CAB39: variants seen among roughly 807,000 people sequenced by gnomAD.
CAB39 encodes the protein calcium-binding protein 39.
A neutral mutation model predicts 40.0 loss-of-function variants in CAB39; 8 were observed. The observed-to-expected ratio is 0.20, with a 90% CI of 0.12 to 0.36. CAB39 has a LOEUF of 0.36. Ranked by LOEUF, CAB39 falls within the 10% of genes least tolerant of loss-of-function variation. The pLI is 1.00. For missense variants in CAB39, 270 were observed against 401.1 expected, an observed-to-expected ratio of 0.67 and a Z score of 2.79; for synonymous variants, 156 against 141.6, an observed-to-expected ratio of 1.10 and a Z score of -0.72.
chr2:230,717,127 G>T (rs1049500799), intron 1 of CAB39, among the ~76,000 whole-genome samples: 1 of 152,132 alleles, frequency 6.6e-6, no homozygotes, highest in African/African-American at 2.4e-5. Context: ...ACTGTGGAAG[G>T]TGGATTAATT....
chr2:230,735,518 T>C (rs763595442), intron 1 of CAB39, among the ~76,000 whole-genome samples: 9 of 149,870 alleles, frequency 6.0e-5, no homozygotes, highest in African/African-American at 9.9e-5. Context: ...AAAAAATAAT[T>C]TGGGGGGATG....
intron 1 of CAB39, among the ~76,000 whole-genome samples, chr2:230,746,960 A>G (rs1694987600): frequency 1.3e-5 from 2 of 152,250 alleles, no homozygotes. Context: ...ACATACATAC[A>G]TAATAACACA....
chr2:230,749,876 T>C (rs537446804), intron 1 of CAB39, among the ~76,000 whole-genome samples: 54 of 152,338 alleles, frequency 3.5e-4, no homozygotes, highest in Non-Finnish European at 6.5e-4. Flanking sequence ...ATATTGATTG[T>C]AGTATGAAAG....
intron 1 of CAB39, among the ~76,000 whole-genome samples, chr2:230,732,351 G>C (rs1488033899): frequency 1.3e-5 from 2 of 152,096 alleles, no homozygotes; most frequent in African/African-American, 4.8e-5. Flanking sequence ...CAAAGTGCTG[G>C]GATTACTGGC....
chr2:230,734,032 T>G (rs1289534432), intron 1 of CAB39, among the ~76,000 whole-genome samples: 1 of 152,220 alleles, frequency 6.6e-6, no homozygotes, highest in Non-Finnish European at 1.5e-5. Context: ...AATAAGACAT[T>G]GCCACTCGCA....
At chr2:230,787,133 A>G (rs1695807692) in intron 2 of CAB39, among the ~76,000 whole-genome samples, 2 of 152,236 alleles carry the variant, frequency 1.3e-5, no homozygotes, top group African/African-American at 2.4e-5. Flanking sequence ...TCTCATGGTC[A>G]GGAAATAGGG....
intron 5 of CAB39, among the ~76,000 whole-genome samples, chr2:230,802,898 A>C (rs1444750482): frequency 2.0e-5 from 3 of 152,194 alleles, no homozygotes; most frequent in African/African-American, 7.2e-5. Context: ...ATCTTCCCTA[A>C]CTCATTTTAT....
intron 1 of CAB39, among the ~76,000 whole-genome samples, chr2:230,724,480 G>A (rs184833289): frequency 0.017 from 2,560 of 152,060 alleles, 68 homozygotes; most frequent in African/African-American, 0.052. Flanking sequence ...TCAGGAGTTC[G>A]AGACCAGCCT....
chr2:230,816,586 A>G (rs2438298), intron 7 of CAB39, among the ~76,000 whole-genome samples: 29,305 of 152,220 alleles, frequency 0.19, 3,658 homozygotes, highest in East Asian at 0.38. Flanking sequence ...GGAAACTTCA[A>G]GTATCTAGAA....
intron 1 of CAB39, among the ~76,000 whole-genome samples, chr2:230,754,905 T>G (rs2124912084): frequency 6.6e-6 from 1 of 152,352 alleles, no homozygotes; most frequent in Non-Finnish European, 1.5e-5. Flanking sequence ...TCCTCAAAGC[T>G]TAGCTCCCAC....
At chr2:230,750,319 G>A (rs1015183568) in intron 1 of CAB39, among the ~76,000 whole-genome samples, 5 of 152,128 alleles carry the variant, frequency 3.3e-5, no homozygotes, top group Non-Finnish European at 5.9e-5. Flanking sequence ...TGCCAAAGCA[G>A]GCTTTTATAA....
chr2:230,772,197 T>C (rs1019268736), intron 2 of CAB39, among the ~76,000 whole-genome samples: 2 of 152,252 alleles, frequency 1.3e-5, no homozygotes, highest in Non-Finnish European at 2.9e-5. Context: ...CTAGAATATA[T>C]AAAGAATTCT....
rs1391406254 is a variant in CAB39 at position 230,790,929 on chromosome 2, A to G, written c.172A>G (p.Asn58Asp). 6.2e-7 allele frequency: 1 copy of G among 1,613,604 alleles called. No individual in the cohort carries two copies. Among genetic ancestry groups the G allele is most frequent in the Admixed American group, 1.7e-5 (1 of 59,938 alleles). ...CATGAAAGAAATTCTGTATGGCACA[A>G]ATGAAAAAGAGCCTCAGACAGAAGC... is the stretch of plus-strand genomic sequence containing the variant. The part of the protein sequence containing the change: ...VAMKEILYGT[N>D]EKEPQTEAVA... The change falls in exon 3 of 9, where the codon AAT becomes GAT. Residue 58 changes from asparagine (N) to aspartate (D), a missense_variant. By Grantham distance (23) the Asn-to-Asp change is conservative. Coordinates refer to ENST00000258418, the MANE Select transcript of CAB39 (RefSeq NM_016289.4).
chr2:230,729,537 A>C (rs1185659667), intron 1 of CAB39, among the ~76,000 whole-genome samples: 1 of 152,144 alleles, frequency 6.6e-6, no homozygotes, highest in Non-Finnish European at 1.5e-5. Context: ...GGATCACCTG[A>C]GGTCAGGAGT....
chr2:230,756,779 C>T (rs1052767401), intron 1 of CAB39, among the ~76,000 whole-genome samples: 2 of 151,818 alleles, frequency 1.3e-5, no homozygotes, highest in East Asian at 3.9e-4. Context: ...TGCAACCTCC[C>T]CGTCCCGGGT....
chr2:230,804,801 C>T (rs976932642), intron 5 of CAB39, among the ~76,000 whole-genome samples: 3 of 152,046 alleles, frequency 2.0e-5, no homozygotes, highest in East Asian at 1.9e-4. Context: ...TGTTGGTGGG[C>T]GTGTAAACTA....
intron 5 of CAB39, among the ~76,000 whole-genome samples, chr2:230,804,457 C>G (rs1485804548): frequency 2.0e-5 from 3 of 152,154 alleles, no homozygotes; most frequent in African/African-American, 7.2e-5. Context: ...AGTGAACAGG[C>G]ACCCTACAGA....
At chr2:230,790,210 C>A (rs562912180) in intron 2 of CAB39, among the ~76,000 whole-genome samples, 1 of 151,986 alleles carries the variant, frequency 6.6e-6, no homozygotes, top group South Asian at 2.1e-4. Context: ...CCACTGCACT[C>A]CAGGCCTGGG....
Position 230,793,301 on chromosome 2 carries a change from A to G in CAB39, c.368A>G (p.Gln123Arg). The G allele has an allele frequency of 6.3e-7, 1 of 1,597,608 alleles. No individual in the cohort carries two copies. The highest frequency in any genetic ancestry group is 8.6e-7 in the Non-Finnish European group (1 of 1,166,456). ...CCTACTGTTGAATACATCTGCACCCAACAGAATATTTTGTTCATGTTATTG... is the reference window on the plus strand; with the variant it reads ...CCTACTGTTGAATACATCTGCACCCGACAGAATATTTTGTTCATGTTATTG... ...RTPTVEYICT[Q>R]QNILFMLLKG... Residue 123 changes from glutamine (Q) to arginine (R), a missense_variant, in exon 4 of 9, where the codon CAA becomes CGA. Transcript: ENST00000258418.
Sources: allele counts gnomAD v4.1 joint callset (sites outside exome capture counted in the v4.1 genomes callset), GRCh38; gene constraint gnomAD v4.1.1; transcripts MANE v1.5; gene names NCBI Gene and HGNC (gene_info 2026-07-23, HGNC 2026-07-21).